KDM4C: variants seen among roughly 807,000 people sequenced by gnomAD.
KDM4C encodes the protein lysine-specific demethylase 4C.
In KDM4C, 81 loss-of-function variants were observed where a neutral mutation model predicts 129.3. That is an observed-to-expected ratio of 0.63 (90% CI 0.52 to 0.75). The LOEUF (loss-of-function observed/expected upper bound fraction) is 0.75. KDM4C is among the 30% of genes least tolerant of loss of function. The pLI is 0.00. For missense variants in KDM4C, 1,457 were observed against 1,304.0 expected (o/e 1.12, Z -1.81); for synonymous variants, 573 against 456.1 (o/e 1.26, Z -3.26).
chr9:6,760,143 A>G (rs896857708), intron 1 of KDM4C, among the ~76,000 whole-genome samples: 2 of 151,860 alleles, frequency 1.3e-5, no homozygotes, highest in Admixed American at 6.6e-5. Flanking sequence ...GCAACCACTA[A>G]TCTGCTGTCT....
chr9:6,812,112 C>T (rs543015731), intron 3 of KDM4C, among the ~76,000 whole-genome samples: 1 of 152,076 alleles, frequency 6.6e-6, no homozygotes, highest in East Asian at 1.9e-4. Context: ...CTGCACATGC[C>T]TGTAATTCCA....
At chr9:7,073,698 T>C (rs1254447441) in intron 17 of KDM4C, among the ~76,000 whole-genome samples, 4 of 152,258 alleles carry the variant, frequency 2.6e-5, no homozygotes, top group Admixed American at 6.5e-5. Flanking sequence ...TTGGGAGATA[T>C]AGGCTGCAGG....
At chr9:7,016,046 T>TG in intron 15 of KDM4C, 117 bp downstream of exon 15, 1 of 566,688 alleles carries the variant, frequency 1.8e-6, no homozygotes, top group Admixed American at 3.0e-5. Flanking sequence ...AGTTCTGCAC[T>TG]TCCTTGTGTT....
chr9:6,741,900 A>G (rs1588052989), intron 1 of KDM4C, among the ~76,000 whole-genome samples: 1 of 151,324 alleles, frequency 6.6e-6, no homozygotes, highest in South Asian at 2.1e-4. Flanking sequence ...TTACACACAC[A>G]CACACACACA....
At chr9:7,058,393 C>G (rs1050477899) in intron 17 of KDM4C, among the ~76,000 whole-genome samples, 2 of 152,172 alleles carry the variant, frequency 1.3e-5, no homozygotes, top group Non-Finnish European at 2.9e-5. Context: ...GGGAAAAAAG[C>G]CCCTCATTTG....
intron 5 of KDM4C, among the ~76,000 whole-genome samples, chr9:6,853,189 A>G (rs1588699709): frequency 6.6e-6 from 1 of 152,132 alleles, no homozygotes; most frequent in African/African-American, 2.4e-5. Context: ...ACTTTTAATA[A>G]AAAAGATTCT....
chr9:6,914,599 G>T (rs898910886), intron 8 of KDM4C, among the ~76,000 whole-genome samples: 6 of 152,192 alleles, frequency 3.9e-5, no homozygotes, highest in African/African-American at 1.4e-4. Context: ...GAGTATTGGT[G>T]TCCCTCCACA....
chr9:7,165,335 C>G lies in KDM4C; in HGVS notation c.2879C>G (p.Ser960Ter). Residue 960 changes from serine (S) to a stop codon, truncating the protein, a stop_gained, in exon 20 of 22, where the codon TCA (serine) becomes TGA (stop). Transcript: ENST00000381309. LOFTEE classifies it high-confidence loss of function. ...CTCTATGGAGCAAAATATTTTGGAT[C>G]AAATATTGCCCACATGTACCAGGTG... ...GKLYGAKYFG[S>*]NIAHMYQVEF... is the part of the protein sequence containing the mutation. The G allele has an allele frequency of 6.2e-7, 1 of 1,613,984 alleles. No individual in the cohort carries two copies. The highest frequency in any genetic ancestry group is 8.5e-7 in the Non-Finnish European group (1 of 1,179,930).
At chr9:6,883,308 A>G (rs983131356) in intron 6 of KDM4C, among the ~76,000 whole-genome samples, 2 of 152,202 alleles carry the variant, frequency 1.3e-5, no homozygotes, top group Non-Finnish European at 2.9e-5. Context: ...TAAATAATCA[A>G]TTTTAAAGTA....
chr9:7,017,807 A>G (rs1297038368), intron 15 of KDM4C, among the ~76,000 whole-genome samples: 5 of 152,226 alleles, frequency 3.3e-5, no homozygotes, highest in Non-Finnish European at 5.9e-5. Flanking sequence ...GAATGACAAT[A>G]TAAAGAATAC....
chr9:7,115,776 G>A (rs1274552648), intron 18 of KDM4C, among the ~76,000 whole-genome samples: 2 of 152,236 alleles, frequency 1.3e-5, no homozygotes, highest in East Asian at 1.9e-4. Context: ...AAGGCCTCCT[G>A]AAGCCTCTTG....
chr9:6,813,978 A>G (rs952342770), intron 3 of KDM4C, among the ~76,000 whole-genome samples: 1 of 152,138 alleles, frequency 6.6e-6, no homozygotes, highest in African/African-American at 2.4e-5. Context: ...GCTGCAGCAA[A>G]CATCCTGGGT....
chr9:7,157,179 C>T (rs10815531), intron 19 of KDM4C, among the ~76,000 whole-genome samples: 25,448 of 152,100 alleles, frequency 0.17, 2,779 homozygotes, highest in Non-Finnish European at 0.22. Context: ...TATAGGAATG[C>T]TTGTGATTTT....
intron 8 of KDM4C, among the ~76,000 whole-genome samples, chr9:6,919,545 G>GTCTA (rs1029513535): frequency 0.048 from 3,825 of 79,398 alleles, 73 homozygotes; most frequent in Middle Eastern, 0.075. Context: ...CTGTCTGTCT[G>GTCTA]TCTATCTATC....
At chr9:7,029,075 C>A (rs774317788) in intron 15 of KDM4C, among the ~76,000 whole-genome samples, 1 of 152,112 alleles carries the variant, frequency 6.6e-6, no homozygotes, top group Non-Finnish European at 1.5e-5. Flanking sequence ...TTTGGTGTTC[C>A]TCCAGAGGGG....
At chr9:7,005,091 C>T (rs893252390) in intron 12 of KDM4C, among the ~76,000 whole-genome samples, 1 of 152,084 alleles carries the variant, frequency 6.6e-6, no homozygotes, top group Non-Finnish European at 1.5e-5. Context: ...TGTGGGCTTC[C>T]TGAGTAGAAA....
At chr9:7,122,261 ACACACT>A (rs779402199) in intron 18 of KDM4C, among the ~76,000 whole-genome samples, 63 of 137,132 alleles carry the variant, frequency 4.6e-4, no homozygotes, top group Non-Finnish European at 7.4e-4. Flanking sequence ...ACACACACAC[ACACACT>A]CTCTCTCTCT....
chr9:7,119,321 A>G (rs1479423580), intron 18 of KDM4C, among the ~76,000 whole-genome samples: 4 of 152,166 alleles, frequency 2.6e-5, no homozygotes, highest in Non-Finnish European at 4.4e-5. Flanking sequence ...CTTTTTAATA[A>G]TTATGAAGAA....
chr9:6,927,078 CA>C (rs1563826359), intron 8 of KDM4C, among the ~76,000 whole-genome samples: 3 of 142,978 alleles, frequency 2.1e-5, no homozygotes, highest in South Asian at 2.3e-4. Context: ...TCTATCCTTT[CA>C]AAAAAAATTT....
Sources: gnomAD v4.1 joint callset for allele counts (sites outside exome capture counted in the v4.1 genomes callset) on GRCh38, gnomAD v4.1.1 for gene constraint, MANE v1.5 for transcripts, NCBI Gene and HGNC (gene_info 2026-07-23, HGNC 2026-07-21) for gene names.